Variants in RBFOX1 observed in about 807,000 individuals in gnomAD.
The protein encoded by RBFOX1 is RNA binding fox-1 homolog 1, also known as RNA binding protein fox-1 homolog 1.
A neutral mutation model predicts 57.7 loss-of-function variants in RBFOX1; 8 were observed. The ratio of observed to expected loss-of-function variants is 0.14; its 90% CI spans 0.08 to 0.25. The LOEUF is 0.25. Ranked by LOEUF, RBFOX1 falls within the 10% of genes least tolerant of loss-of-function variation. The pLI is 1.00. For synonymous variants in RBFOX1, 326 were observed against 222.4 expected (o/e 1.47, Z -4.15); for missense variants, 611 against 548.5 (o/e 1.11, Z -1.14).
intron 3 of RBFOX1, among the ~76,000 whole-genome samples, chr16:5,677,297 C>A (rs551508770): frequency 3.9e-5 from 6 of 152,208 alleles, no homozygotes; most frequent in Non-Finnish European, 8.8e-5. Flanking sequence ...AGGCAAGTTT[C>A]CAGTGTGAAA....
intron 3 of RBFOX1, among the ~76,000 whole-genome samples, chr16:5,805,983 G>C (rs1256182455): frequency 6.6e-6 from 1 of 152,020 alleles, no homozygotes; most frequent in Non-Finnish European, 1.5e-5. Flanking sequence ...TGATCTCTCA[G>C]TGAGTCAATA....
intron 1 of RBFOX1, among the ~76,000 whole-genome samples, chr16:6,244,818 T>A (rs372150480): frequency 1.3e-5 from 2 of 152,346 alleles, no homozygotes; most frequent in East Asian, 3.9e-4. Flanking sequence ...AACTTCATAC[T>A]TTTGTTCATG....
intron 3 of RBFOX1, among the ~76,000 whole-genome samples, chr16:6,746,584 G>A (rs1261344481): frequency 1.3e-5 from 2 of 152,060 alleles, no homozygotes; most frequent in Non-Finnish European, 2.9e-5. Flanking sequence ...AGGCTGAACT[G>A]GGGGGATCAC....
intron 3 of RBFOX1, among the ~76,000 whole-genome samples, chr16:5,828,413 A>G (rs1197005270): frequency 7.9e-5 from 12 of 152,312 alleles, no homozygotes; most frequent in Admixed American, 6.5e-4. Flanking sequence ...ATAAAGGATG[A>G]AAAAAATGCA....
At chr16:7,658,643 C>T (rs1196251825) in intron 12 of RBFOX1, among the ~76,000 whole-genome samples, 2 of 152,136 alleles carry the variant, frequency 1.3e-5, no homozygotes, top group Non-Finnish European at 2.9e-5. Context: ...TCCCAATCCC[C>T]TCCCTCAAAG....
At chr16:7,453,656 C>G (rs1388854577) in intron 4 of RBFOX1, among the ~76,000 whole-genome samples, 1 of 152,114 alleles carries the variant, frequency 6.6e-6, no homozygotes, top group Non-Finnish European at 1.5e-5. Flanking sequence ...TGTAAAACAT[C>G]CACTTCATGC....
chr16:5,492,085 C>T (rs2042853332), intron 2 of RBFOX1, among the ~76,000 whole-genome samples: 1 of 152,130 alleles, frequency 6.6e-6, no homozygotes, highest in African/African-American at 2.4e-5. Context: ...GGGCTCTGTC[C>T]TAGACCTACT....
intron 3 of RBFOX1, among the ~76,000 whole-genome samples, chr16:5,771,952 T>A (rs1330992169): frequency 6.6e-6 from 1 of 152,040 alleles, no homozygotes; most frequent in African/African-American, 2.4e-5. Flanking sequence ...GGGGGGTGGA[T>A]CACGAGGTCA....
chr16:7,358,168 C>T (rs1259313278), intron 4 of RBFOX1, among the ~76,000 whole-genome samples: 1 of 152,156 alleles, frequency 6.6e-6, no homozygotes, highest in East Asian at 1.9e-4. Context: ...CTGTTATCAT[C>T]CTATTGGATA....
chr16:5,725,966 G>C (rs898717839), intron 3 of RBFOX1, among the ~76,000 whole-genome samples: 17 of 152,160 alleles, frequency 1.1e-4, no homozygotes, highest in African/African-American at 3.9e-4. Context: ...CCACATTTCT[G>C]AGGTTGGTCA....
At chr16:7,247,477 C>G (rs2094348095) in intron 4 of RBFOX1, among the ~76,000 whole-genome samples, 1 of 152,128 alleles carries the variant, frequency 6.6e-6, no homozygotes, top group Admixed American at 6.5e-5. Context: ...GTGATAGGCA[C>G]TCAGTAAATG....
At chr16:6,422,991 T>C (rs2093818258) in intron 2 of RBFOX1, among the ~76,000 whole-genome samples, 1 of 152,220 alleles carries the variant, frequency 6.6e-6, no homozygotes, top group Non-Finnish European at 1.5e-5. Flanking sequence ...AGGAAATGAT[T>C]TTCTTTTTTA....
At chr16:7,435,383 A>G (rs192294675) in intron 4 of RBFOX1, among the ~76,000 whole-genome samples, 1 of 152,108 alleles carries the variant, frequency 6.6e-6, no homozygotes, top group Admixed American at 6.5e-5. Context: ...TGTCAGTGGT[A>G]CATATTATGA....
At chr16:6,461,332 A>C (rs1257466540) in intron 2 of RBFOX1, among the ~76,000 whole-genome samples, 1 of 152,184 alleles carries the variant, frequency 6.6e-6, no homozygotes, top group Non-Finnish European at 1.5e-5. Flanking sequence ...ATTCCTTTTA[A>C]CTTAATTAAC....
chr16:5,626,516 T>C (rs1567315761), intron 3 of RBFOX1, among the ~76,000 whole-genome samples: 2 of 152,134 alleles, frequency 1.3e-5, no homozygotes, highest in Admixed American at 6.5e-5. Context: ...CTTTAACATA[T>C]GAATTCTGGC....
At chr16:6,731,647 C>G (rs537168530) in intron 3 of RBFOX1, among the ~76,000 whole-genome samples, 82 of 152,212 alleles carry the variant, frequency 5.4e-4, no homozygotes, top group Middle Eastern at 3.4e-3. Context: ...CCCCAGCTCC[C>G]TCACTCCATG....
At chr16:6,827,938 G>T (rs766108457) in intron 3 of RBFOX1, among the ~76,000 whole-genome samples, 12 of 152,284 alleles carry the variant, frequency 7.9e-5, no homozygotes, top group Non-Finnish European at 1.5e-4. Flanking sequence ...TTTGATTAAT[G>T]CCTGTTGTTT....
chr16:6,366,344 A>T (rs1568029523), intron 2 of RBFOX1, among the ~76,000 whole-genome samples: 1 of 152,128 alleles, frequency 6.6e-6, no homozygotes, highest in African/African-American at 2.4e-5. Context: ...CTACATTCCT[A>T]TTTTATACAT....
At chr16:5,312,284 G>A (rs1019075199) in intron 1 of RBFOX1, among the ~76,000 whole-genome samples, 5 of 152,102 alleles carry the variant, frequency 3.3e-5, no homozygotes, top group African/African-American at 9.7e-5. Flanking sequence ...AACTTAGGGC[G>A]GAATTTCTCC....
Sources: allele counts gnomAD v4.1 joint callset (sites outside exome capture counted in the v4.1 genomes callset), GRCh38; gene constraint gnomAD v4.1.1; transcripts MANE v1.5; gene names NCBI Gene and HGNC (gene_info 2026-07-23, HGNC 2026-07-21).